PTPRM: variants seen among roughly 807,000 people sequenced by gnomAD.
PTPRM encodes the protein protein tyrosine phosphatase receptor type M, also known as receptor-type tyrosine-protein phosphatase mu.
In PTPRM, 47 loss-of-function variants were observed where a neutral mutation model predicts 186.7. The ratio of observed to expected loss-of-function variants is 0.25; its 90% CI spans 0.20 to 0.32. The LOEUF (loss-of-function observed/expected upper bound fraction) is 0.32. Ranked by LOEUF, PTPRM falls within the 10% of genes least tolerant of loss-of-function variation. The pLI, the probability that PTPRM is intolerant of heterozygous loss-of-function variation, is 1.00. For missense variants in PTPRM, 1,494 were observed against 1,865.0 expected (o/e 0.80, Z 3.66); for synonymous variants, 668 against 674.9 (o/e 0.99, Z 0.16).
chr18:7,631,000 TTTAA>T (rs1210158510), intron 1 of PTPRM, among the ~76,000 whole-genome samples: 31 of 152,242 alleles, frequency 2.0e-4, no homozygotes, highest in Non-Finnish European at 3.7e-4. Context: ...TGATTTCCTC[TTTAA>T]TTGAGTATCA....
At chr18:7,930,403 T>C (rs17566499) in intron 5 of PTPRM, among the ~76,000 whole-genome samples, 13,822 of 152,212 alleles carry the variant, frequency 0.091, 675 homozygotes, top group Middle Eastern at 0.26. Context: ...TGTGTTGCAG[T>C]CTTTTGAGGC....
At chr18:7,625,543 C>CT (rs1051694322) in intron 1 of PTPRM, among the ~76,000 whole-genome samples, 94 of 125,640 alleles carry the variant, frequency 7.5e-4, no homozygotes, top group African/African-American at 2.2e-3. Context: ...TTGAGAGGTT[C>CT]TTTTTTTTTG....
chr18:8,141,147 A>G (rs1214168869), intron 13 of PTPRM, among the ~76,000 whole-genome samples: 1 of 152,160 alleles, frequency 6.6e-6, no homozygotes, highest in Non-Finnish European at 1.5e-5. Flanking sequence ...CAGGCAGGAA[A>G]GCAGGAACTT....
At chr18:8,357,171 A>C (rs1329767595) in intron 23 of PTPRM, among the ~76,000 whole-genome samples, 1 of 152,212 alleles carries the variant, frequency 6.6e-6, no homozygotes, top group Non-Finnish European at 1.5e-5. Flanking sequence ...CTCCGCTCCC[A>C]TGTCCTCTGC....
chr18:7,642,760 A>T (rs1199311584), intron 1 of PTPRM, among the ~76,000 whole-genome samples: 1 of 150,472 alleles, frequency 6.6e-6, no homozygotes, highest in Non-Finnish European at 1.5e-5. Flanking sequence ...AGTATTTTTC[A>T]CCCTTCTGGC....
intron 1 of PTPRM, among the ~76,000 whole-genome samples, chr18:7,656,972 G>A (rs899678734): frequency 1.3e-5 from 2 of 151,982 alleles, no homozygotes; most frequent in African/African-American, 4.8e-5. Context: ...TGGATGTGTA[G>A]GAAGCAGAGG....
chr18:7,867,527 C>G (rs1218753900), intron 2 of PTPRM, among the ~76,000 whole-genome samples: 1 of 152,114 alleles, frequency 6.6e-6, no homozygotes, highest in Non-Finnish European at 1.5e-5. Flanking sequence ...ATATTGACTC[C>G]CACTCTCTTC....
chr18:8,370,009 A>G (rs1476643388), intron 23 of PTPRM, among the ~76,000 whole-genome samples: 2 of 152,124 alleles, frequency 1.3e-5, no homozygotes, highest in African/African-American at 4.8e-5. Context: ...ATGGAGAAAC[A>G]GGGCTAGAGT....
chr18:8,266,265 AC>A (rs1223407384), intron 19 of PTPRM, among the ~76,000 whole-genome samples: 1 of 146,524 alleles, frequency 6.8e-6, no homozygotes, highest in African/African-American at 2.6e-5. Flanking sequence ...ATCCCTACTC[AC>A]CCAGTTCTTA....
At chr18:8,033,028 A>T (rs990228058) in intron 7 of PTPRM, among the ~76,000 whole-genome samples, 1 of 152,178 alleles carries the variant, frequency 6.6e-6, no homozygotes, top group Non-Finnish European at 1.5e-5. Flanking sequence ...CAAAACCATT[A>T]AATAAAAGAT....
chr18:7,678,058 G>A (rs1008052897), intron 1 of PTPRM, among the ~76,000 whole-genome samples: 1 of 152,100 alleles, frequency 6.6e-6, no homozygotes, highest in African/African-American at 2.4e-5. Context: ...TAGGGGCTCT[G>A]TGTGTATTTG....
rs556048887 is a variant in PTPRM at position 7,925,188 on chromosome 18, A to G, written c.548-1380A>G. 7.2e-5 allele frequency among the ~76,000 whole-genome samples: 11 copies of G among 152,306 alleles called. 1 individual carries two copies. Among genetic ancestry groups the G allele is most frequent in the Admixed American group, 2.6e-4 (4 of 15,300 alleles). ...TTACAGAGATCTTTTAAAAACACAT[A>G]ATTATGTTATTCTTGAGCAAGGGGT... is the stretch of plus-strand genomic sequence containing the variant. On this transcript the variant is annotated intron_variant, in intron 4 of 32. Coordinates refer to ENST00000580170, the MANE Select transcript of PTPRM (RefSeq NM_001105244.2).
rs555890900 is a variant in PTPRM at position 7,800,339 on chromosome 18, G to C, written c.196+26068G>C. Among the ~76,000 whole-genome samples the C allele has an allele frequency of 4.6e-5, 7 of 152,254 alleles. No individual in the cohort carries two copies. The East Asian group carries it at 1.4e-3, about 29-fold the overall frequency. Reference sequence around the variant, plus strand: ...CTGAAAATATGTTTATCAGTCTTTTGTTTATAAATTCATGTTTTTCCTCCA... The same window carrying C: ...CTGAAAATATGTTTATCAGTCTTTTCTTTATAAATTCATGTTTTTCCTCCA... On this transcript the variant is annotated intron_variant, in intron 2 of 32. Transcript: ENST00000580170.
intron 1 of PTPRM, among the ~76,000 whole-genome samples, chr18:7,599,340 G>T (rs539353002): frequency 7.2e-5 from 11 of 152,316 alleles, no homozygotes; most frequent in African/African-American, 2.4e-4. Flanking sequence ...GTAATTCATA[G>T]CTGAACCGCT....
rs561305688 is a variant in PTPRM at position 7,896,116 on chromosome 18, G to T, written c.468+7739G>T. 2.6e-5 allele frequency among the ~76,000 whole-genome samples: 4 copies of T among 152,264 alleles called. No homozygotes were observed. The East Asian group carries it at 7.7e-4, about 29-fold the overall frequency. On this transcript the variant is annotated intron_variant, in intron 3 of 32. Transcript: ENST00000580170. ...ATTAATGTTTTTCCTAATTGCTTCT[G>T]TGTTGACCTGCCCTCCTATGGTTGG...
intron 7 of PTPRM, among the ~76,000 whole-genome samples, chr18:8,061,413 C>G (rs924890584): frequency 1.4e-5 from 2 of 142,762 alleles, no homozygotes; most frequent in South Asian, 2.4e-4. Context: ...TTAGATCCAA[C>G]TTGCCAGTGT....
chr18:7,851,641 A>C (rs1397290146), intron 2 of PTPRM, among the ~76,000 whole-genome samples: 1 of 71,576 alleles, frequency 1.4e-5, no homozygotes, highest in African/African-American at 8.9e-5. Context: ...AAACAAAAAA[A>C]CAAAAAAAAA....
chr18:7,824,334 G>T (rs996348493), intron 2 of PTPRM, among the ~76,000 whole-genome samples: 1 of 152,168 alleles, frequency 6.6e-6, no homozygotes, highest in Admixed American at 6.5e-5. Context: ...GTGCGCACCA[G>T]TCATGGTGGG....
chr18:7,861,936 G>A (rs560065981), intron 2 of PTPRM, among the ~76,000 whole-genome samples: 1 of 152,060 alleles, frequency 6.6e-6, no homozygotes, highest in Non-Finnish European at 1.5e-5. Flanking sequence ...TAAGATTTCT[G>A]TCTTACCTAG....
Sources: gnomAD v4.1 joint callset for allele counts (sites outside exome capture counted in the v4.1 genomes callset) on GRCh38, gnomAD v4.1.1 for gene constraint, MANE v1.5 for transcripts, NCBI Gene and HGNC (gene_info 2026-07-23, HGNC 2026-07-21) for gene names.